Variants in LYPD6B observed in about 807,000 individuals in gnomAD.
The protein encoded by LYPD6B is LY6/PLAUR domain containing 6B.
Under a neutral mutation model 22.8 loss-of-function variants are expected in LYPD6B, and 17 were observed. That is an observed-to-expected ratio of 0.75 (90% confidence interval 0.51 to 1.12). LYPD6B has a LOEUF of 1.12. Among genes scored for constraint, LYPD6B ranks in the 50% most tolerant of loss-of-function variants. The probability of loss-of-function intolerance (pLI) is 0.00; values close to 1 mark genes in which losing one functional copy is unlikely to be tolerated. For synonymous variants in LYPD6B, 106 were observed against 91.6 expected (o/e 1.16, Z -0.90); for missense variants, 221 against 258.3 (o/e 0.86, Z 0.99).
intron 1 of LYPD6B, among the ~76,000 whole-genome samples, chr2:149,039,240 C>T (rs1403432622): frequency 1.3e-5 from 2 of 152,238 alleles, no homozygotes; most frequent in African/African-American, 4.8e-5. Flanking sequence ...CCAGTGTTTC[C>T]CCCTGCAGCG....
intron 3 of LYPD6B, among the ~76,000 whole-genome samples, chr2:149,163,535 T>C (rs1690222250): frequency 6.6e-6 from 1 of 152,072 alleles, no homozygotes; most frequent in South Asian, 2.1e-4. Flanking sequence ...AATAATTGAG[T>C]AAGATTGTTT....
chr2:149,074,209 C>T (rs974451262), intron 1 of LYPD6B, among the ~76,000 whole-genome samples: 14 of 151,960 alleles, frequency 9.2e-5, no homozygotes, highest in African/African-American at 3.1e-4. Context: ...CTCAAAGGGT[C>T]GACCACAGGG....
At chr2:149,179,112 T>C (rs1691530306) in intron 3 of LYPD6B, among the ~76,000 whole-genome samples, 1 of 152,170 alleles carries the variant, frequency 6.6e-6, no homozygotes, top group South Asian at 2.1e-4. Context: ...CTGGCTGGCC[T>C]GCTCCCACCT....
At chr2:149,096,706 A>T (rs1685917284) in intron 1 of LYPD6B, among the ~76,000 whole-genome samples, 1 of 152,016 alleles carries the variant, frequency 6.6e-6, no homozygotes, top group African/African-American at 2.4e-5. Flanking sequence ...TTCTCTTCTT[A>T]GTTGTCTTTT....
intron 2 of LYPD6B, among the ~76,000 whole-genome samples, chr2:149,132,555 C>T (rs1298265430): frequency 6.6e-6 from 1 of 151,922 alleles, no homozygotes; most frequent in Admixed American, 6.6e-5. Context: ...GAAATGAACT[C>T]ATTGGCAGCT....
chr2:149,056,611 A>G (rs1232441049), intron 1 of LYPD6B, among the ~76,000 whole-genome samples: 2 of 152,132 alleles, frequency 1.3e-5, no homozygotes, highest in Non-Finnish European at 2.9e-5. Flanking sequence ...AGTAACTCTT[A>G]TTTCTCTGAA....
chr2:149,149,692 T>C (rs1689247271), intron 2 of LYPD6B, among the ~76,000 whole-genome samples: 1 of 152,212 alleles, frequency 6.6e-6, no homozygotes, highest in African/African-American at 2.4e-5. Flanking sequence ...CGACCCTGCT[T>C]CATTCCCTGT....
chr2:149,194,940 G>A (rs1692715252), intron 3 of LYPD6B, among the ~76,000 whole-genome samples: 1 of 152,236 alleles, frequency 6.6e-6, no homozygotes, highest in Non-Finnish European at 1.5e-5. Flanking sequence ...ACAGGTGAAT[G>A]TACTAGGCCG....
chr2:149,105,774 G>C (rs899658030), intron 1 of LYPD6B, among the ~76,000 whole-genome samples: 2 of 152,030 alleles, frequency 1.3e-5, no homozygotes, highest in Non-Finnish European at 2.9e-5. Context: ...CTTCTGTCTG[G>C]ATGGCTTTTG....
chr2:149,188,640 T>G, intron 3 of LYPD6B: 2 of 877,944 alleles, frequency 2.3e-6, no homozygotes, highest in Non-Finnish European at 2.7e-6. Context: ...AGTCAATAAT[T>G]TTCCATTTGT....
At chr2:149,168,211 CAAAAAAAAAAAA>C (rs386391472) in intron 3 of LYPD6B, among the ~76,000 whole-genome samples, 4 of 48,488 alleles carry the variant, frequency 8.2e-5, no homozygotes, top group Non-Finnish European at 1.2e-4. Flanking sequence ...GGCTCTGTCT[CAAAAAAAAAAAA>C]AAAAAAAAAA....
intron 3 of LYPD6B, chr2:149,187,534 C>A: frequency 6.8e-7 from 1 of 1,464,118 alleles, no homozygotes. Flanking sequence ...TCCCTGCGAG[C>A]AGGATCTCAG....
chr2:149,046,001 C>G (rs941074629), intron 1 of LYPD6B, among the ~76,000 whole-genome samples: 2 of 152,046 alleles, frequency 1.3e-5, no homozygotes, highest in Non-Finnish European at 2.9e-5. Context: ...TTTCCAGTTA[C>G]AATTGTGGAT....
intron 3 of LYPD6B, among the ~76,000 whole-genome samples, chr2:149,167,412 C>T (rs555049546): frequency 6.6e-6 from 1 of 152,308 alleles, no homozygotes; most frequent in Admixed American, 6.5e-5. Flanking sequence ...CTACCAAAGC[C>T]TGCAGCTTTG....
intron 1 of LYPD6B, among the ~76,000 whole-genome samples, chr2:149,077,775 C>A (rs968467291): frequency 9.2e-5 from 14 of 152,142 alleles, no homozygotes; most frequent in African/African-American, 3.1e-4. Context: ...TGCTGGGCAT[C>A]TTTTTAATGG....
intron 3 of LYPD6B, among the ~76,000 whole-genome samples, chr2:149,189,152 T>G (rs229339): frequency 1.4e-4 from 21 of 151,720 alleles, no homozygotes; most frequent in African/African-American, 4.8e-4. Flanking sequence ...AGAGTGAGAA[T>G]TCTCAGGCCT....
At chr2:149,076,175 A>T (rs1429202758) in intron 1 of LYPD6B, among the ~76,000 whole-genome samples, 1 of 152,248 alleles carries the variant, frequency 6.6e-6, no homozygotes, top group East Asian at 1.9e-4. Flanking sequence ...CTACCAGAGT[A>T]GCACTAGAGT....
chr2:149,191,141 T>G (rs1692462671), intron 3 of LYPD6B, among the ~76,000 whole-genome samples: 1 of 152,184 alleles, frequency 6.6e-6, no homozygotes, highest in Admixed American at 6.6e-5. Context: ...ATCTATTTTC[T>G]CACTCATTTT....
chr2:149,055,133 T>A (rs930423307), intron 1 of LYPD6B, among the ~76,000 whole-genome samples: 2 of 152,230 alleles, frequency 1.3e-5, no homozygotes, highest in African/African-American at 4.8e-5. Context: ...CCCAGCACTG[T>A]TTGTTGCCAA....
Sources: gnomAD v4.1 joint callset for allele counts (sites outside exome capture counted in the v4.1 genomes callset) on GRCh38, gnomAD v4.1.1 for gene constraint, MANE v1.5 for transcripts, NCBI Gene and HGNC (gene_info 2026-07-23, HGNC 2026-07-21) for gene names.